Variants in POU2AF3 observed in about 807,000 individuals in gnomAD.
POU2AF3 encodes cancer susceptibility candidate 13.
At chr11:111,306,783 A>G in the POU2AF3 span, among the ~76,000 whole-genome samples, 1 of 152,244 alleles carries the variant, frequency 6.6e-6, no homozygotes, top group Non-Finnish European at 1.5e-5. Context: ...AATGTATAGA[A>G]GTAGCCACAC....
At chr11:111,300,430 T>C in the POU2AF3 span, 2 of 425,056 alleles carry the variant, frequency 4.7e-6, no homozygotes, top group Non-Finnish European at 7.8e-6. Context: ...ACTTAGAAAC[T>C]TGGCTTTGGG....
At chr11:111,306,179 CA>C in the POU2AF3 span, among the ~76,000 whole-genome samples, 1 of 152,176 alleles carries the variant, frequency 6.6e-6, no homozygotes. Context: ...ACCAGTTTTA[CA>C]GCCAGTTTCC....
chr11:111,299,792 C>A, the POU2AF3 span: 2 of 1,137,694 alleles, frequency 1.8e-6, no homozygotes, highest in Non-Finnish European at 2.2e-6. Flanking sequence ...CAAGATGGAG[C>A]GCGGAAAAGG....
chr11:111,299,411 C>G, the POU2AF3 span: 1 of 1,011,744 alleles, frequency 9.9e-7, no homozygotes. Flanking sequence ...TCGCCCGGCT[C>G]GGCTTGGCCT....
the POU2AF3 span, among the ~76,000 whole-genome samples, chr11:111,307,061 G>A: frequency 6.6e-6 from 1 of 152,150 alleles, no homozygotes; most frequent in African/African-American, 2.4e-5. Flanking sequence ...TTTCATTAGG[G>A]GGAGGTTTTG....
At chr11:111,308,661 T>G in the POU2AF3 span, 1 of 385,808 alleles carries the variant, frequency 2.6e-6, no homozygotes, top group Non-Finnish European at 4.5e-6. Flanking sequence ...GTAGGAAACT[T>G]TCAATTGTTT....
the POU2AF3 span, chr11:111,308,400 A>G: frequency 5.5e-5 from 86 of 1,551,246 alleles, no homozygotes; most frequent in Non-Finnish European, 6.5e-5. Context: ...AGTGATTTCT[A>G]TAAGAGGGAA....
At chr11:111,302,416 T>G in the POU2AF3 span, among the ~76,000 whole-genome samples, 1 of 152,156 alleles carries the variant, frequency 6.6e-6, no homozygotes, top group Non-Finnish European at 1.5e-5. Flanking sequence ...AACGTTTCCT[T>G]AAGGAGCTTT....
chr11:111,308,538 AGC>A, the POU2AF3 span: 1 of 1,255,964 alleles, frequency 8.0e-7, no homozygotes, highest in Non-Finnish European at 1.1e-6. Flanking sequence ...CAATATCCCA[AGC>A]ACAGTTTACA....
chr11:111,298,830 CCG>C, the POU2AF3 span: 8 of 403,024 alleles, frequency 2.0e-5, no homozygotes, highest in Non-Finnish European at 3.3e-5. Flanking sequence ...CCCCAGGCCC[CCG>C]CCCGCCCTCC....
the POU2AF3 span, among the ~76,000 whole-genome samples, chr11:111,304,493 A>ATATTGG: frequency 2.0e-5 from 3 of 152,174 alleles, no homozygotes; most frequent in African/African-American, 7.2e-5. Flanking sequence ...AAAACTCCCC[A>ATATTGG]AGCAAGCAAA....
chr11:111,303,857 G>A, the POU2AF3 span, among the ~76,000 whole-genome samples: 11 of 150,418 alleles, frequency 7.3e-5, no homozygotes, highest in Admixed American at 1.3e-4. Context: ...AGAGCAATAC[G>A]GGTACCTTTA....
At chr11:111,307,170 C>T in the POU2AF3 span, among the ~76,000 whole-genome samples, 2 of 150,124 alleles carry the variant, frequency 1.3e-5, no homozygotes, top group African/African-American at 4.9e-5. Flanking sequence ...AAAAATGAAG[C>T]CGTAATCTTT....
At chr11:111,306,440 G>T in the POU2AF3 span, 1 of 1,484,212 alleles carries the variant, frequency 6.7e-7, no homozygotes, top group African/African-American at 1.4e-5. Context: ...CCAATTATTT[G>T]CAACGGGGAG....
the POU2AF3 span, chr11:111,300,476 C>A: frequency 1.0e-6 from 1 of 968,394 alleles, no homozygotes; most frequent in Non-Finnish European, 1.3e-6. Context: ...CACTCTGCAC[C>A]CTGGCACCCA....
the POU2AF3 span, chr11:111,304,987 G>A: frequency 1.6e-6 from 2 of 1,231,818 alleles, no homozygotes; most frequent in Admixed American, 4.2e-5. Flanking sequence ...CTGCAGGTCA[G>A]TACAGCCAGC....
At chr11:111,308,117 TAC>T in the POU2AF3 span, 1 of 1,545,790 alleles carries the variant, frequency 6.5e-7, no homozygotes, top group East Asian at 2.4e-5. Context: ...CTCCTTAGAC[TAC>T]AGTTACTCGC....
At chr11:111,305,007 T>C in the POU2AF3 span, 16 of 1,220,558 alleles carry the variant, frequency 1.3e-5, no homozygotes, top group African/African-American at 2.2e-4. Context: ...CATTAACAGT[T>C]CCCTCAAACA....
the POU2AF3 span, among the ~76,000 whole-genome samples, chr11:111,301,154 C>A: frequency 6.6e-6 from 1 of 152,144 alleles, no homozygotes; most frequent in Non-Finnish European, 1.5e-5. Flanking sequence ...GCAGAAGAGA[C>A]AGCTGGAGTA....
Sources: gnomAD v4.1 joint callset for allele counts (sites outside exome capture counted in the v4.1 genomes callset) on GRCh38, gnomAD v4.1.1 for gene constraint, MANE v1.5 for transcripts, NCBI Gene and HGNC (gene_info 2026-07-23, HGNC 2026-07-21) for gene names.